TMEM240: variants seen among roughly 807,000 people sequenced by gnomAD.
TMEM240 encodes transmembrane protein 240.
A neutral mutation model predicts 19.5 loss-of-function variants in TMEM240; 3 were observed. The ratio of observed to expected loss-of-function variants is 0.15; its 90% CI spans 0.07 to 0.40. TMEM240 has a LOEUF of 0.40. Among genes scored for constraint, TMEM240 ranks in the 10% least tolerant of loss-of-function variants. TMEM240 has a pLI of 1.00. For missense variants in TMEM240, 210 were observed against 253.5 expected (o/e 0.83, Z 1.17); for synonymous variants, 123 against 109.3 (o/e 1.13, Z -0.78).
rs574856684 is a variant in TMEM240, at chr1:1,535,276, G to A, written c.*83C>T. The A allele has an allele frequency of 7.1e-4, 1,040 of 1,472,224 alleles. 6 individuals carry two copies. The African/African-American group carries it at 0.012, about 17-fold the overall frequency. The allele number at this position is 1,472,224 out of a possible 1,614,324, so 91.2% of individuals were successfully genotyped here. On this transcript the variant is annotated 3_prime_UTR_variant, in exon 4 of 4. Coordinates refer to ENST00000378733, the MANE Select transcript of TMEM240 (RefSeq NM_001114748.2). The surrounding 1 kb of genome is among the most constrained non-coding windows in gnomAD (Gnocchi z 8.2). ...GGGCCCAGGGCTGCTGTCCAGTCCC[G>A]CCGGCCCGGGCGTCCACGAGGTCCC...
intron 2 of TMEM240, among the ~76,000 whole-genome samples, chr1:1,538,409 C>T (rs767440571): frequency 6.6e-6 from 1 of 152,240 alleles, no homozygotes; most frequent in Non-Finnish European, 1.5e-5. Flanking sequence ...TACTCTAAGG[C>T]GCCTCTGCCT....
Position 1,534,936 on chromosome 1 carries a change from C to T in TMEM240, c.*423G>A, listed in dbSNP as rs537148655. 1.5e-3 allele frequency among the ~76,000 whole-genome samples: 227 copies of T among 151,662 alleles called. 2 individuals carry two copies. Among genetic ancestry groups the T allele is most frequent in the African/African-American group, 4.8e-3 (199 of 41,218 alleles). On this transcript the variant is annotated 3_prime_UTR_variant, in exon 4 of 4. Transcript: ENST00000378733. ...GTGCTCCCCTCGCCCCCCTCCCCTC[C>T]GCCCAAGCTGGCTGGGGCCAGACAG... is the stretch of plus-strand genomic sequence containing the variant.
chr1:1,537,628 T>C (rs1197256249), intron 2 of TMEM240, among the ~76,000 whole-genome samples: 1 of 152,136 alleles, frequency 6.6e-6, no homozygotes, highest in African/African-American at 2.4e-5. Context: ...CACACGTATG[T>C]CTGTGACATG....
chr1:1,535,186 T>G lies in TMEM240; in HGVS notation c.*173A>C. ...ACCCTAGCCCACACCCCAACCCCCT[T>G]TATAAAAAGAAGAGACAGCACCTTC... On this transcript the variant is annotated 3_prime_UTR_variant, in exon 4 of 4. Transcript: ENST00000378733. The surrounding 1 kb of genome is among the most constrained non-coding windows in gnomAD (Gnocchi z 8.2). The G allele has an allele frequency of 1.4e-5, 7 of 508,264 alleles. No individual in the cohort carries two copies. Among genetic ancestry groups the G allele is most frequent in the Non-Finnish European group, 1.3e-5 (4 of 307,238 alleles). 31.5% of individuals were successfully genotyped at this position (508,264 alleles called of 1,614,324 possible).
intron 1 of TMEM240, 62 bp from the exon 2 acceptor site, chr1:1,539,852 G>T: frequency 7.0e-7 from 1 of 1,433,296 alleles, no homozygotes; most frequent in South Asian, 1.2e-5. Context: ...GGCTGGGGGT[G>T]GGGAGCGCAG....
intron 2 of TMEM240, among the ~76,000 whole-genome samples, chr1:1,537,136 G>A (rs932574701): frequency 2.6e-5 from 4 of 151,920 alleles, no homozygotes; most frequent in South Asian, 2.1e-4. Flanking sequence ...CCTGGGGCCC[G>A]AGCCCAGGAA....
In TMEM240 at chr1:1,540,382, C is replaced by G. The variant is rs1337354613; in HGVS notation, c.-36G>C. On this transcript the variant is annotated 5_prime_UTR_variant, in exon 1 of 4. Coordinates refer to ENST00000378733, the MANE Select transcript of TMEM240 (RefSeq NM_001114748.2). The stretch of plus-strand genomic sequence containing the variant: ...CGGGCCGGGCCGGAGCGCCGCCCCC[C>G]GGCCCCGGCGCCCCCCCGGCCCCGG... 14 of 1,055,226 alleles carry G rather than the reference C, an allele frequency of 1.3e-5. No individual in the cohort carries two copies. 65.4% of individuals were successfully genotyped at this position (1,055,226 alleles called of 1,614,324 possible).
At chr1:1,537,424 C>T (rs1432201633) in intron 2 of TMEM240, among the ~76,000 whole-genome samples, 1 of 152,106 alleles carries the variant, frequency 6.6e-6, no homozygotes, top group Non-Finnish European at 1.5e-5. Context: ...GAAGCTGTTC[C>T]TGACCCCTTA....
rs1262873179 is a variant in TMEM240 at position 1,540,621 on chromosome 1, A to ACTCGGCTCCG, written c.-276_-275insCGGAGCCGAG. ...CCTGCGATGCGCTCGGCTCGGCTCG[A>ACTCGGCTCCG]CTCGGCTCCGCTCGGCTCCGGCCCC... On this transcript the variant is annotated 5_prime_UTR_variant, in exon 1 of 4. Coordinates refer to ENST00000378733, the MANE Select transcript of TMEM240 (RefSeq NM_001114748.2). Among the ~76,000 whole-genome samples the ACTCGGCTCCG allele has an allele frequency of 6.8e-6, 1 of 146,326 alleles. No individual in the cohort carries two copies. The highest frequency in any genetic ancestry group is 1.5e-5 in the Non-Finnish European group (1 of 66,440).
At position 1,535,180 on chromosome 1, in the gene TMEM240, C is replaced by T. The variant is rs1460209083; in HGVS notation, c.*179G>A. The stretch of plus-strand genomic sequence containing the variant: ...ACCCCCACCCTAGCCCACACCCCAA[C>T]CCCCTTTATAAAAAGAAGAGACAGC... On this transcript the variant is annotated 3_prime_UTR_variant, in exon 4 of 4. Transcript: ENST00000378733. The surrounding 1 kb of genome is among the most constrained non-coding windows in gnomAD (Gnocchi z 8.2). 5 of 495,394 alleles carry T rather than the reference C, an allele frequency of 1.0e-5. No homozygotes were observed. Among genetic ancestry groups the T allele is most frequent in the South Asian group, 2.2e-5 (1 of 45,494 alleles). 30.7% of individuals were successfully genotyped at this position (495,394 alleles called of 1,614,324 possible).
In TMEM240 at chr1:1,536,433, G is replaced by T. The variant is rs556064929; in HGVS notation, c.165-636C>A. On this transcript the variant is annotated intron_variant, in intron 2 of 3. Coordinates refer to ENST00000378733, the MANE Select transcript of TMEM240 (RefSeq NM_001114748.2). The surrounding 1 kb of genome is among the most constrained non-coding windows in gnomAD (Gnocchi z 5.4). Reference sequence around the variant, plus strand: ...ACCCCATCCTCTCCCCTTCCTGGGGGACGCCCCCTTGCCCTTGCCTGGCAC... The same window carrying T: ...ACCCCATCCTCTCCCCTTCCTGGGGTACGCCCCCTTGCCCTTGCCTGGCAC... Among the ~76,000 whole-genome samples, 58 of 152,288 alleles carry T rather than the reference G, an allele frequency of 3.8e-4. No homozygotes were observed. Among genetic ancestry groups the T allele is most frequent in the African/African-American group, 1.4e-3 (58 of 41,554 alleles).
rs1169484743 is a variant in TMEM240 at position 1,536,382 on chromosome 1, C to T, written c.165-585G>A. On this transcript the variant is annotated intron_variant, in intron 2 of 3. Coordinates refer to ENST00000378733, the MANE Select transcript of TMEM240 (RefSeq NM_001114748.2). This position sits in a 1 kb window ranked among gnomAD's most constrained non-coding sequence, Gnocchi z 5.4. Reference sequence around the variant, plus strand: ...CTCCTCTATCCCTGGGAGGTGCTGTCGGAGGCCACGGGGGCTCTACCCAGC... The same window carrying T: ...CTCCTCTATCCCTGGGAGGTGCTGTTGGAGGCCACGGGGGCTCTACCCAGC... 6.6e-6 allele frequency among the ~76,000 whole-genome samples: 1 copy of T among 152,164 alleles called. No individual in the cohort carries two copies. Among genetic ancestry groups the T allele is most frequent in the Non-Finnish European group, 1.5e-5 (1 of 68,010 alleles).
At chr1:1,538,207 CTG>C (rs1557490017) in intron 2 of TMEM240, among the ~76,000 whole-genome samples, 2 of 152,340 alleles carry the variant, frequency 1.3e-5, no homozygotes, top group Non-Finnish European at 2.9e-5. Context: ...CAAGGGCACT[CTG>C]TACGCTGAAC....
At position 1,535,212 on chromosome 1, in the gene TMEM240, C is replaced by T; in HGVS notation, c.*147G>A. ...TATAAAAAGAAGAGACAGCACCTTCCACTGGACTCTCCCGGCCGGCCACAG... is the reference window on the plus strand; with the variant it reads ...TATAAAAAGAAGAGACAGCACCTTCTACTGGACTCTCCCGGCCGGCCACAG... On this transcript the variant is annotated 3_prime_UTR_variant, in exon 4 of 4. Coordinates refer to ENST00000378733, the MANE Select transcript of TMEM240 (RefSeq NM_001114748.2). The surrounding 1 kb of genome is among the most constrained non-coding windows in gnomAD (Gnocchi z 8.2). 1 of 864,792 alleles carries T rather than the reference C, an allele frequency of 1.2e-6. No homozygotes were observed. The highest frequency in any genetic ancestry group is 1.7e-6 in the Non-Finnish European group (1 of 575,488). 53.6% of individuals were successfully genotyped at this position (864,792 alleles called of 1,614,324 possible). A position where few individuals can be genotyped will look rare whatever the true frequency, so the allele number is the denominator to read the frequency against.
intron 2 of TMEM240, among the ~76,000 whole-genome samples, chr1:1,537,149 G>A (rs1407404025): frequency 6.6e-6 from 1 of 152,118 alleles, no homozygotes. Context: ...CCCAGGAACA[G>A]GGAGGAGGTG....
In TMEM240 at chr1:1,535,087, C is replaced by T. The variant is rs1276165745; in HGVS notation, c.*272G>A. On this transcript the variant is annotated 3_prime_UTR_variant, in exon 4 of 4. Transcript: ENST00000378733. The surrounding 1 kb of genome is among the most constrained non-coding windows in gnomAD (Gnocchi z 8.2). The stretch of plus-strand genomic sequence containing the variant: ...CTGCCCCCCAGGACCCTCCCTGCCC[C>T]CCAGCACCGCTGGGGATGAGTCCGC... The T allele has an allele frequency of 3.2e-6, 1 of 311,696 alleles. No individual in the cohort carries two copies. The highest frequency in any genetic ancestry group is 2.3e-5 in the African/African-American group (1 of 44,212). 19.3% of individuals were successfully genotyped at this position (311,696 alleles called of 1,614,324 possible). A position where few individuals can be genotyped will look rare whatever the true frequency, so the allele number is the denominator to read the frequency against.
chr1:1,539,831 G>T, intron 1 of TMEM240, 41 bp from the exon 2 acceptor site: 1 of 1,520,984 alleles, frequency 6.6e-7, no homozygotes, highest in South Asian at 1.2e-5. Flanking sequence ...GGAGCGGGCG[G>T]GACGAAGCGG....
rs1178003040 is a variant in TMEM240 at position 1,535,149 on chromosome 1, A to C, written c.*210T>G. On this transcript the variant is annotated 3_prime_UTR_variant, in exon 4 of 4. Transcript: ENST00000378733. The surrounding 1 kb of genome is among the most constrained non-coding windows in gnomAD (Gnocchi z 8.2). The stretch of plus-strand genomic sequence containing the variant: ...GCCCCCCAACTGCAGGGTCTCCCCT[A>C]ACCCAACCCCCACCCTAGCCCACAC... 1.1e-5 allele frequency: 4 copies of C among 376,546 alleles called. No homozygotes were observed. The highest frequency in any genetic ancestry group is 3.5e-5 in the South Asian group (1 of 28,318). 23.3% of individuals were successfully genotyped at this position (376,546 alleles called of 1,614,324 possible).
intron 2 of TMEM240, among the ~76,000 whole-genome samples, chr1:1,537,980 T>C (rs770465705): frequency 3.9e-5 from 6 of 152,204 alleles, no homozygotes; most frequent in Non-Finnish European, 8.8e-5. Context: ...CCTACACATG[T>C]ACACACACTC....
Sources: allele counts gnomAD v4.1 joint callset (sites outside exome capture counted in the v4.1 genomes callset), GRCh38; gene constraint gnomAD v4.1.1; non-coding constraint Gnocchi (gnomAD v3.1); transcripts MANE v1.5; gene names NCBI Gene and HGNC (gene_info 2026-07-23, HGNC 2026-07-21).